PTPN1: variants seen among roughly 807,000 people sequenced by gnomAD.
PTPN1 encodes the protein tyrosine-protein phosphatase non-receptor type 1.
In PTPN1, 12 loss-of-function variants were observed where a neutral mutation model predicts 59.9. The ratio of observed to expected loss-of-function variants is 0.20; its 90% CI spans 0.13 to 0.32. PTPN1 has a LOEUF of 0.32. Ranked by LOEUF, PTPN1 falls within the 10% of genes least tolerant of loss-of-function variation. The pLI, the probability that PTPN1 is intolerant of heterozygous loss-of-function variation, is 1.00. For missense variants in PTPN1, 356 were observed against 549.2 expected (o/e 0.65, Z 3.52); for synonymous variants, 178 against 203.6 (o/e 0.87, Z 1.07).
rs1274036551 is a variant in PTPN1, at chr20:50,582,794, C to T, written c.*79C>T. 1.2e-5 allele frequency: 19 copies of T among 1,580,958 alleles called. No homozygotes were observed. The highest frequency in any genetic ancestry group is 4.0e-5 in the African/African-American group (3 of 74,332). ...CCACGCCCGACTAGCAGGCATGCCG[C>T]GGTAGGTAAGGGCCGCCGGACCGCG... On this transcript the variant is annotated 3_prime_UTR_variant, in exon 10 of 10. Coordinates refer to ENST00000371621, the MANE Select transcript of PTPN1 (RefSeq NM_002827.4). This position sits in a 1 kb window ranked among gnomAD's most constrained non-coding sequence, Gnocchi z 4.2.
chr20:50,511,703 G>A (rs6020572), intron 1 of PTPN1, among the ~76,000 whole-genome samples: 78,657 of 152,024 alleles, frequency 0.52, 21,031 homozygotes, highest in African/African-American at 0.66. Context: ...AGCTGAATAA[G>A]ATACATACTC....
At chr20:50,570,990 T>A (rs187080239) in intron 4 of PTPN1, 42 of 152,386 alleles carry the variant, frequency 2.8e-4, no homozygotes, top group African/African-American at 9.6e-4. Context: ...TTGCTTCTTA[T>A]TTATTTCTTT....
chr20:50,525,519 C>T (rs999163315), intron 1 of PTPN1, among the ~76,000 whole-genome samples: 2 of 152,176 alleles, frequency 1.3e-5, no homozygotes, highest in Non-Finnish European at 2.9e-5. Flanking sequence ...AACTAGCTGT[C>T]TGCAAACCAC....
At chr20:50,566,339 C>T (rs1319275863) in intron 3 of PTPN1, among the ~76,000 whole-genome samples, 2 of 152,120 alleles carry the variant, frequency 1.3e-5, no homozygotes, top group Admixed American at 6.5e-5. Flanking sequence ...TACCTGTTGT[C>T]GGGTGTATCA....
In PTPN1 at chr20:50,580,530, T is replaced by C. The variant is rs374987471; in HGVS notation, c.1088+604T>C. Among the ~76,000 whole-genome samples, 5 of 152,156 alleles carry C rather than the reference T, an allele frequency of 3.3e-5. No individual in the cohort carries two copies. The East Asian group carries it at 5.8e-4, about 18-fold the overall frequency. ...ACAGTGATGTGATAGAGGTGTCCGC[T>C]GAGGTGGTCAGGGAAGGCTGCTTGC... On this transcript the variant is annotated intron_variant, in intron 8 of 9. Coordinates refer to ENST00000371621, the MANE Select transcript of PTPN1 (RefSeq NM_002827.4).
Position 50,581,259 on chromosome 20 carries a change from C to G in PTPN1, c.1089-6C>G. On this transcript the variant is annotated splice_polypyrimidine_tract_variant and splice_region_variant and intron_variant, in intron 8 of 9. Coordinates refer to ENST00000371621, the MANE Select transcript of PTPN1 (RefSeq NM_002827.4). ...AGTAACCCATCTCTGCCCTCTGATT[C>G]CTCAGCATGAGTCAAGACACTGAAG... 6.3e-7 allele frequency: 1 copy of G among 1,588,374 alleles called. No homozygotes were observed. Among genetic ancestry groups the G allele is most frequent in the Non-Finnish European group, 8.6e-7 (1 of 1,160,096 alleles).
At chr20:50,575,353 T>C (rs2082830988) in intron 5 of PTPN1, among the ~76,000 whole-genome samples, 1 of 152,208 alleles carries the variant, frequency 6.6e-6, no homozygotes, top group Admixed American at 6.5e-5. Flanking sequence ...GGTCGAATCC[T>C]GGCCCCACCT....
Position 50,524,569 on chromosome 20 carries a change from C to CTTTTTTTTTTTTT in PTPN1, c.63+13992_63+14004dup. Among the ~76,000 whole-genome samples the CTTTTTTTTTTTTT allele has an allele frequency of 3.8e-3, 173 of 45,788 alleles. 40 individuals carry two copies. The highest frequency in any genetic ancestry group is 5.8e-3 in the African/African-American group (51 of 8,780). 30.0% of individuals were successfully genotyped at this position (45,788 alleles called of 152,430 possible). A position where few individuals can be genotyped will look rare whatever the true frequency, so the allele number is the denominator to read the frequency against. Reference sequence around the variant, plus strand: ...TGGCTGGTTTATCCCATTATGTGGTCTTTTTTTTTTTTTTTTTTTTTTTTT... The same window carrying CTTTTTTTTTTTTT: ...TGGCTGGTTTATCCCATTATGTGGTCTTTTTTTTTTTTTTTTTTTTTTTTTTTTTTTTTTTTTT... On this transcript the variant is annotated intron_variant, in intron 1 of 9. Transcript: ENST00000371621.
chr20:50,542,986 T>G (rs1489318902), intron 1 of PTPN1, among the ~76,000 whole-genome samples: 1 of 152,236 alleles, frequency 6.6e-6, no homozygotes, highest in African/African-American at 2.4e-5. Flanking sequence ...GATTTTTCTG[T>G]TATGCCTATT....
At chr20:50,564,699 G>A (rs1227832876) in intron 2 of PTPN1, among the ~76,000 whole-genome samples, 3 of 152,156 alleles carry the variant, frequency 2.0e-5, no homozygotes, top group Non-Finnish European at 4.4e-5. Flanking sequence ...TATGACCTGA[G>A]AACAGATTTC....
In PTPN1 at chr20:50,545,125, TTTTATTTTA is replaced by T. The variant is rs762255024; in HGVS notation, c.64-16223_64-16215del. 2.8e-4 allele frequency among the ~76,000 whole-genome samples: 42 copies of T among 152,266 alleles called. 1 individual carries two copies. The South Asian group carries it at 8.3e-3, about 30-fold the overall frequency. The stretch of plus-strand genomic sequence containing the variant: ...ATCAAGAGGTACAATGTCTTTTTAT[TTTTATTTTA>T]TTTATTTTATTTATATTGCCTATGT... On this transcript the variant is annotated intron_variant, in intron 1 of 9. Transcript: ENST00000371621.
intron 1 of PTPN1, among the ~76,000 whole-genome samples, chr20:50,550,194 C>G (rs2082696177): frequency 6.6e-6 from 1 of 152,216 alleles, no homozygotes; most frequent in Non-Finnish European, 1.5e-5. Context: ...TCCCTTCAAT[C>G]TAGCTCTGTC....
intron 4 of PTPN1, chr20:50,573,514 G>A (rs1175923972): frequency 3.3e-5 from 5 of 152,386 alleles, no homozygotes; most frequent in Admixed American, 1.3e-4. Flanking sequence ...TGGCCCTGAA[G>A]TGGTTCCCTT....
At chr20:50,560,887 CAGTTGG>C in intron 1 of PTPN1, among the ~76,000 whole-genome samples, 1 of 152,056 alleles carries the variant, frequency 6.6e-6, no homozygotes, top group Non-Finnish European at 1.5e-5. Context: ...CCTAGGAAAG[CAGTTGG>C]ATAGTTTGTT....
At chr20:50,529,303 T>C (rs1411405784) in intron 1 of PTPN1, among the ~76,000 whole-genome samples, 1 of 152,204 alleles carries the variant, frequency 6.6e-6, no homozygotes, top group Non-Finnish European at 1.5e-5. Flanking sequence ...TGACCAGTGC[T>C]GACAGGAAAT....
chr20:50,560,460 G>A (rs2082746929), intron 1 of PTPN1, among the ~76,000 whole-genome samples: 1 of 152,064 alleles, frequency 6.6e-6, no homozygotes, highest in Non-Finnish European at 1.5e-5. Context: ...GGAGGAATCT[G>A]GAGTGGAAAT....
chr20:50,582,742 C>T lies in PTPN1; in HGVS notation c.*27C>T, dbSNP rs2082875279. 6.2e-7 allele frequency: 1 copy of T among 1,613,180 alleles called. No homozygotes were observed. Among genetic ancestry groups the T allele is most frequent in the Non-Finnish European group, 8.5e-7 (1 of 1,179,674 alleles). ...CTGACCCTCCTCCACTCCACCTCCA[C>T]CCACTGTCCGCCTCTGCCCGCAGAG... On this transcript the variant is annotated 3_prime_UTR_variant, in exon 10 of 10. Transcript: ENST00000371621. This position sits in a 1 kb window ranked among gnomAD's most constrained non-coding sequence, Gnocchi z 4.2.
At position 50,515,082 on chromosome 20, in the gene PTPN1, C is replaced by A. The variant is rs6122948; in HGVS notation, c.63+4492C>A. Among the ~76,000 whole-genome samples, 282 of 152,312 alleles carry A rather than the reference C, an allele frequency of 1.9e-3. 7 individuals are homozygous for A. The East Asian group carries it at 0.049, about 26-fold the overall frequency. ...TGGTCCCATCATCACTAGAGTAATTCATTGTTCTAAAACCAGATCTGAGTC... is the reference window on the plus strand; with the variant it reads ...TGGTCCCATCATCACTAGAGTAATTAATTGTTCTAAAACCAGATCTGAGTC... On this transcript the variant is annotated intron_variant, in intron 1 of 9. Coordinates refer to ENST00000371621, the MANE Select transcript of PTPN1 (RefSeq NM_002827.4).
chr20:50,576,978 T>G (rs2082840073), intron 5 of PTPN1, among the ~76,000 whole-genome samples: 1 of 152,180 alleles, frequency 6.6e-6, no homozygotes, highest in Non-Finnish European at 1.5e-5. Context: ...TTTAATGTCA[T>G]TAAGGTTATA....
Sources: gnomAD v4.1 joint callset for allele counts (sites outside exome capture counted in the v4.1 genomes callset) on GRCh38, gnomAD v4.1.1 for gene constraint, Gnocchi (gnomAD v3.1) non-coding constraint, MANE v1.5 for transcripts, NCBI Gene and HGNC (gene_info 2026-07-23, HGNC 2026-07-21) for gene names.